Variants in CNTN4 observed in about 807,000 individuals in gnomAD.
CNTN4 encodes contactin 4.
A neutral mutation model predicts 122.5 loss-of-function variants in CNTN4; 77 were observed. The observed-to-expected ratio is 0.63, with a 90% CI of 0.52 to 0.76. The LOEUF is 0.76. CNTN4 is among the 30% of genes least tolerant of loss of function. CNTN4 has a pLI of 0.00. For synonymous variants in CNTN4, 512 were observed against 447.0 expected, an observed-to-expected ratio of 1.15 and a Z score of -1.83; for missense variants, 1,256 against 1,259.1, an observed-to-expected ratio of 1.00 and a Z score of 0.04.
At chr3:2,218,364 C>G (rs1351008782) in intron 2 of CNTN4, among the ~76,000 whole-genome samples, 1 of 151,922 alleles carries the variant, frequency 6.6e-6, no homozygotes, top group Non-Finnish European at 1.5e-5. Flanking sequence ...TCTTTTAAAG[C>G]ATAAGTCTAG....
At chr3:2,804,913 G>A (rs1018500507) in intron 6 of CNTN4, among the ~76,000 whole-genome samples, 4 of 152,078 alleles carry the variant, frequency 2.6e-5, no homozygotes, top group East Asian at 1.9e-4. Context: ...GGTGGCTCAC[G>A]CCTGTAATCC....
At chr3:2,813,892 T>C (rs2092670892) in intron 6 of CNTN4, among the ~76,000 whole-genome samples, 1 of 152,232 alleles carries the variant, frequency 6.6e-6, no homozygotes. Flanking sequence ...TTAAGACTTT[T>C]TATTATTGAT....
intron 2 of CNTN4, among the ~76,000 whole-genome samples, chr3:2,267,738 G>A (rs1377232371): frequency 6.6e-6 from 1 of 151,662 alleles, no homozygotes; most frequent in South Asian, 2.1e-4. Context: ...GTAACCTATT[G>A]TCAAAGAATA....
At chr3:2,436,684 T>G (rs2048269418) in intron 3 of CNTN4, among the ~76,000 whole-genome samples, 2 of 151,944 alleles carry the variant, frequency 1.3e-5, no homozygotes, top group Non-Finnish European at 2.9e-5. Context: ...TATATATTCA[T>G]TCTCACTACA....
intron 4 of CNTN4, among the ~76,000 whole-genome samples, chr3:2,627,706 G>T (rs944521570): frequency 6.6e-6 from 1 of 151,952 alleles, no homozygotes; most frequent in African/African-American, 2.4e-5. Flanking sequence ...TGTTAGCCAG[G>T]ATGGTCTCGA....
intron 4 of CNTN4, among the ~76,000 whole-genome samples, chr3:2,589,287 T>C (rs1453969793): frequency 6.6e-6 from 1 of 152,208 alleles, no homozygotes; most frequent in African/African-American, 2.4e-5. Flanking sequence ...GGGAGCCCAG[T>C]TGGCTCTTAA....
intron 14 of CNTN4, among the ~76,000 whole-genome samples, chr3:3,017,034 G>T (rs555435734): frequency 6.6e-6 from 1 of 152,234 alleles, no homozygotes; most frequent in East Asian, 1.9e-4. Context: ...GGTATGAATC[G>T]ATGAAAAACC....
chr3:2,888,002 T>G (rs185195177), intron 10 of CNTN4, among the ~76,000 whole-genome samples: 9 of 152,330 alleles, frequency 5.9e-5, no homozygotes, highest in Admixed American at 3.9e-4. Context: ...GATAATTATT[T>G]AAGAATGGTT....
chr3:2,533,065 A>G (rs887483226), intron 3 of CNTN4, among the ~76,000 whole-genome samples: 1 of 151,566 alleles, frequency 6.6e-6, no homozygotes, highest in African/African-American at 2.4e-5. Context: ...GAATTCAGAC[A>G]TGTGACATTA....
At chr3:2,767,057 C>T (rs2090893470) in intron 6 of CNTN4, among the ~76,000 whole-genome samples, 1 of 152,156 alleles carries the variant, frequency 6.6e-6, no homozygotes, top group African/African-American at 2.4e-5. Flanking sequence ...TGGTGTATCA[C>T]ATGGATTAAG....
intron 3 of CNTN4, among the ~76,000 whole-genome samples, chr3:2,432,253 G>A (rs1331878866): frequency 1.3e-5 from 2 of 152,072 alleles, no homozygotes; most frequent in Non-Finnish European, 2.9e-5. Context: ...TTCCATCACT[G>A]TGCTTATGCA....
intron 2 of CNTN4, among the ~76,000 whole-genome samples, chr3:2,195,054 A>G (rs1029923509): frequency 1.3e-5 from 2 of 151,684 alleles, no homozygotes; most frequent in African/African-American, 2.4e-5. Context: ...ATATCCTTTG[A>G]TCCCCATTCC....
At chr3:2,652,584 A>G (rs918323727) in intron 4 of CNTN4, among the ~76,000 whole-genome samples, 2 of 152,156 alleles carry the variant, frequency 1.3e-5, no homozygotes, top group Non-Finnish European at 2.9e-5. Flanking sequence ...AAGACTTCCT[A>G]GAGAAGGTGC....
intron 2 of CNTN4, among the ~76,000 whole-genome samples, chr3:2,322,341 A>G (rs12633765): frequency 0.24 from 36,660 of 152,070 alleles, 5,540 homozygotes; most frequent in East Asian, 0.79. Context: ...TAAACATAGG[A>G]CGGAATTTTA....
chr3:2,328,502 G>T (rs998601099), intron 2 of CNTN4, among the ~76,000 whole-genome samples: 2 of 152,050 alleles, frequency 1.3e-5, no homozygotes, highest in Non-Finnish European at 2.9e-5. Context: ...TAAATTAATT[G>T]TATGCATTTC....
At chr3:2,225,782 C>T (rs1385980518) in intron 2 of CNTN4, among the ~76,000 whole-genome samples, 2 of 152,176 alleles carry the variant, frequency 1.3e-5, no homozygotes, top group African/African-American at 4.8e-5. Flanking sequence ...TCACATCTGA[C>T]CCCACTCATC....
intron 3 of CNTN4, among the ~76,000 whole-genome samples, chr3:2,561,413 G>C (rs970132123): frequency 6.6e-6 from 1 of 152,138 alleles, no homozygotes; most frequent in Non-Finnish European, 1.5e-5. Context: ...ATGGGAAAGA[G>C]CAGGGTTTCT....
chr3:3,038,177 C>G (rs1428797494), intron 18 of CNTN4, among the ~76,000 whole-genome samples: 1 of 152,136 alleles, frequency 6.6e-6, no homozygotes, highest in Non-Finnish European at 1.5e-5. Flanking sequence ...TGGCCCGGAG[C>G]CTTTCAGTTA....
chr3:2,504,129 G>C (rs1273532901), intron 3 of CNTN4, among the ~76,000 whole-genome samples: 1 of 152,072 alleles, frequency 6.6e-6, no homozygotes, highest in African/African-American at 2.4e-5. Flanking sequence ...CCTTAATAGA[G>C]AGTGCATTCT....
Sources: allele counts gnomAD v4.1 joint callset (sites outside exome capture counted in the v4.1 genomes callset), GRCh38; gene constraint gnomAD v4.1.1; transcripts MANE v1.5; gene names NCBI Gene and HGNC (gene_info 2026-07-23, HGNC 2026-07-21).